Variants in FBLN1 observed in about 807,000 individuals in gnomAD.
FBLN1 encodes fibulin 1, also known as fibulin-1.
FBLN1 carries 34 observed loss-of-function variants against 89.7 expected under a neutral mutation model. The ratio of observed to expected loss-of-function variants is 0.38; its 90% CI spans 0.29 to 0.50. The LOEUF (loss-of-function observed/expected upper bound fraction) is 0.50, where lower values mean the gene tolerates loss of function less well. Among genes scored for constraint, FBLN1 ranks in the 20% least tolerant of loss-of-function variants. The pLI is 0.92. For synonymous variants in FBLN1, 393 were observed against 391.3 expected, an observed-to-expected ratio of 1.00 and a Z score of -0.05; for missense variants, 777 against 988.1, an observed-to-expected ratio of 0.79 and a Z score of 2.86.
At chr22:45,524,140 C>T (rs1178252749) in intron 2 of FBLN1, among the ~76,000 whole-genome samples, 3 of 152,196 alleles carry the variant, frequency 2.0e-5, no homozygotes, top group Non-Finnish European at 2.9e-5. Flanking sequence ...TTCAGACCTC[C>T]AGTCCCCCAG....
chr22:45,553,321 C>T (rs1369283541), intron 14 of FBLN1, among the ~76,000 whole-genome samples: 3 of 152,098 alleles, frequency 2.0e-5, no homozygotes, highest in Non-Finnish European at 4.4e-5. Context: ...TCCTCTAACG[C>T]ATGACATGGC....
chr22:45,559,988 TA>T (rs1299730581), intron 14 of FBLN1, among the ~76,000 whole-genome samples: 1 of 152,230 alleles, frequency 6.6e-6, no homozygotes, highest in African/African-American at 2.4e-5. Flanking sequence ...TAATTCAAAT[TA>T]GTCTTTTGTC....
At chr22:45,568,519 GGGAAT>G (rs1184521742) in intron 14 of FBLN1, among the ~76,000 whole-genome samples, 77 of 149,174 alleles carry the variant, frequency 5.2e-4, no homozygotes, top group African/African-American at 1.1e-3. Context: ...CCTTCTGTAG[GGGAAT>G]GCCTCTTCTG....
rs546258246 is a variant in FBLN1, at chr22:45,574,034, C to A, written c.1698-477C>A. 2.0e-5 allele frequency among the ~76,000 whole-genome samples: 3 copies of A among 152,156 alleles called. No homozygotes were observed. The highest frequency in any genetic ancestry group is 6.5e-5 in the Admixed American group (1 of 15,278). On this transcript the variant is annotated intron_variant, in intron 14 of 16. Coordinates refer to ENST00000327858, the MANE Select transcript of FBLN1 (RefSeq NM_006486.3). This position sits in a 1 kb window ranked among gnomAD's most constrained non-coding sequence, Gnocchi z 4.1. ...GAATTGACTGCCCTGTGCTGGGCAC[C>A]GAGCTTGGCGCTTTCTATCTGCTCC...
chr22:45,576,950 G>T lies in FBLN1; in HGVS notation c.1841-27G>T. Reference sequence around the variant, plus strand: ...TGGGGCTGGGGCCAGGCTGTGCTGAGCCCTTCTCCATTCTGTGCCTCTGCA... The same window carrying T: ...TGGGGCTGGGGCCAGGCTGTGCTGATCCCTTCTCCATTCTGTGCCTCTGCA... On this transcript the variant is annotated intron_variant, in intron 15 of 16. Coordinates refer to ENST00000327858, the MANE Select transcript of FBLN1 (RefSeq NM_006486.3). This position sits in a 1 kb window ranked among gnomAD's most constrained non-coding sequence, Gnocchi z 5.2. 1 of 1,612,898 alleles carries T rather than the reference G, an allele frequency of 6.2e-7. No individual in the cohort carries two copies. Among genetic ancestry groups the T allele is most frequent in the Non-Finnish European group, 8.5e-7 (1 of 1,179,986 alleles).
At chr22:45,525,403 G>T in intron 2 of FBLN1, 140 bp from the exon 3 acceptor site, 1 of 766,152 alleles carries the variant, frequency 1.3e-6, no homozygotes, top group African/African-American at 1.7e-5. Context: ...ATGCCACTGG[G>T]GCACTGTGTA....
At chr22:45,586,566 G>A (rs150007787) in intron 16 of FBLN1, among the ~76,000 whole-genome samples, 2 of 152,372 alleles carry the variant, frequency 1.3e-5, no homozygotes, top group Non-Finnish European at 2.9e-5. Context: ...AGGCAGTGGT[G>A]CTCGTCAAGG....
chr22:45,583,546 C>G lies in FBLN1; in HGVS notation c.1972+6438C>G, dbSNP rs1322495669. On this transcript the variant is annotated intron_variant, in intron 16 of 16. Transcript: ENST00000327858. The surrounding 1 kb of genome is among the most constrained non-coding windows in gnomAD (Gnocchi z 4.5). ...CACAGGATGTAAATACTGATGGAAA[C>G]CTAAATGTTCTGTAAATATCAGTTC... Among the ~76,000 whole-genome samples, 1 of 152,212 alleles carries G rather than the reference C, an allele frequency of 6.6e-6. No individual in the cohort carries two copies. Among genetic ancestry groups the G allele is most frequent in the African/African-American group, 2.4e-5 (1 of 41,456 alleles).
rs1428175400 is a variant in FBLN1, at chr22:45,536,165, C to T, written c.922+828C>T. The stretch of plus-strand genomic sequence containing the variant: ...CTCCAGTCTGGGCAACAGAGCAAGA[C>T]CCTGTCTCAAAAATAAAATAAAATA... On this transcript the variant is annotated intron_variant, in intron 8 of 16. Coordinates refer to ENST00000327858, the MANE Select transcript of FBLN1 (RefSeq NM_006486.3). The surrounding 1 kb of genome is among the most constrained non-coding windows in gnomAD (Gnocchi z 5.1). 2.6e-5 allele frequency among the ~76,000 whole-genome samples: 4 copies of T among 152,126 alleles called. No homozygotes were observed. Among genetic ancestry groups the T allele is most frequent in the African/African-American group, 7.2e-5 (3 of 41,416 alleles).
intron 16 of FBLN1, among the ~76,000 whole-genome samples, chr22:45,595,657 G>A (rs543770765): frequency 7.2e-5 from 11 of 152,426 alleles, no homozygotes; most frequent in African/African-American, 2.6e-4. Context: ...TATGTTCAGG[G>A]CTTTCCTCTC....
rs1569270387 is a variant in FBLN1 at position 45,596,091 on chromosome 22, G to C, written c.1973-4216G>C. ...TCACCGTGTTAGCCAGGATGGTCTT[G>C]ATCTCCTGACCTTGTGATCCGCCCG... On this transcript the variant is annotated intron_variant, in intron 16 of 16. Coordinates refer to ENST00000327858, the MANE Select transcript of FBLN1 (RefSeq NM_006486.3). Among the ~76,000 whole-genome samples the C allele has an allele frequency of 5.9e-5, 9 of 152,144 alleles. No individual in the cohort carries two copies. In the South Asian group the frequency reaches 1.4e-3, roughly 24 times the overall value.
intron 14 of FBLN1, among the ~76,000 whole-genome samples, chr22:45,570,801 A>G (rs190241597): frequency 4.9e-4 from 75 of 152,286 alleles, no homozygotes; most frequent in African/African-American, 1.7e-3. Context: ...ACCAAGACAC[A>G]TAACACATTC....
At chr22:45,591,807 G>A (rs1205916153) in intron 16 of FBLN1, among the ~76,000 whole-genome samples, 1 of 93,520 alleles carries the variant, frequency 1.1e-5, no homozygotes, top group East Asian at 2.5e-4. Context: ...GCAGACAGGA[G>A]GGAGGAAGTG....
intron 16 of FBLN1, among the ~76,000 whole-genome samples, chr22:45,593,289 G>A (rs1198307781): frequency 1.3e-5 from 2 of 152,034 alleles, no homozygotes; most frequent in East Asian, 3.9e-4. Flanking sequence ...AGCCCAAGAG[G>A]CAGCGAAGGT....
intron 16 of FBLN1, among the ~76,000 whole-genome samples, chr22:45,586,041 T>C (rs2089082804): frequency 6.6e-6 from 1 of 151,978 alleles, no homozygotes; most frequent in African/African-American, 2.4e-5. Context: ...ATTAATGGGG[T>C]ACAGTCTCTG....
chr22:45,600,234 G>A, intron 16 of FBLN1, 73 bp from the exon 17 acceptor site: 1 of 1,596,368 alleles, frequency 6.3e-7, no homozygotes, highest in Non-Finnish European at 8.6e-7. Flanking sequence ...CTCCTCAAGG[G>A]AAACCATTTC....
chr22:45,573,153 G>A (rs1166468813), intron 14 of FBLN1, among the ~76,000 whole-genome samples: 1 of 152,064 alleles, frequency 6.6e-6, no homozygotes, highest in African/African-American at 2.4e-5. Context: ...TTGAACCCAG[G>A]AGGCGGAGGT....
In FBLN1 at chr22:45,557,554, C is replaced by T. The variant is rs546986203; in HGVS notation, c.1697+6939C>T. Among the ~76,000 whole-genome samples the T allele has an allele frequency of 2.7e-4, 41 of 152,286 alleles. No homozygotes were observed. The South Asian group carries it at 8.1e-3, about 30-fold the overall frequency. On this transcript the variant is annotated intron_variant, in intron 14 of 16. Coordinates refer to ENST00000327858, the MANE Select transcript of FBLN1 (RefSeq NM_006486.3). This position sits in a 1 kb window ranked among gnomAD's most constrained non-coding sequence, Gnocchi z 4.9. ...TAACCTCCATCCCTGCCACCATGGC[C>T]ACTTTGTTCATGGGTCCATTGGGCA...
chr22:45,520,204 T>C (rs569329332), intron 2 of FBLN1, among the ~76,000 whole-genome samples: 1 of 152,282 alleles, frequency 6.6e-6, no homozygotes, highest in Non-Finnish European at 1.5e-5. Flanking sequence ...AGATCACCTA[T>C]GAAATCAGCA....
Sources: gnomAD v4.1 joint callset for allele counts (sites outside exome capture counted in the v4.1 genomes callset) on GRCh38, gnomAD v4.1.1 for gene constraint, Gnocchi (gnomAD v3.1) non-coding constraint, MANE v1.5 for transcripts, NCBI Gene and HGNC (gene_info 2026-07-23, HGNC 2026-07-21) for gene names.